FAM178B: variants seen among roughly 807,000 people sequenced by gnomAD.
FAM178B encodes family with sequence similarity 178 member B, also known as protein FAM178B.
Under a neutral mutation model 91.7 loss-of-function variants are expected in FAM178B, and 82 were observed. The observed-to-expected ratio is 0.89, with a 90% CI of 0.75 to 1.07. The LOEUF is 1.07. Ranked by LOEUF, FAM178B falls within the 50% of genes least tolerant of loss-of-function variation. The pLI is 0.00. For missense variants in FAM178B, 769 were observed against 846.7 expected, an observed-to-expected ratio of 0.91 and a Z score of 1.14; for synonymous variants, 368 against 359.4, an observed-to-expected ratio of 1.02 and a Z score of -0.27.
intron 8 of FAM178B, among the ~76,000 whole-genome samples, chr2:96,945,403 T>C (rs1233503299): frequency 1.3e-5 from 2 of 151,948 alleles, no homozygotes; most frequent in Non-Finnish European, 2.9e-5. Context: ...CAGGTTGGGA[T>C]AAAGGCAAGT....
In FAM178B at chr2:96,929,308, T is replaced by C; in HGVS notation, c.1091A>G (p.His364Arg). 6.4e-7 allele frequency: 1 copy of C among 1,551,152 alleles called. No individual in the cohort carries two copies. Among genetic ancestry groups the C allele is most frequent in the Non-Finnish European group, 8.7e-7 (1 of 1,146,606 alleles). Reference sequence around the variant, plus strand: ...TTCTTGCAGTGAGGGGCACCACAGGTGCTTGTCTTCATCTGTCAGGCCAAA... The same window carrying C: ...TTCTTGCAGTGAGGGGCACCACAGGCGCTTGTCTTCATCTGTCAGGCCAAA... ...GIFLQPDEDK[H>R]LWCPSLQEVR... Residue 364 changes from histidine to arginine, a missense_variant, in exon 9 of 17, where the codon CAC becomes CGC. Physicochemically the swap from His to Arg is conservative, Grantham distance 29. Coordinates refer to ENST00000490605, the MANE Select transcript of FAM178B (RefSeq NM_001122646.3).
chr2:96,917,600 G>C (rs977348136), intron 12 of FAM178B, among the ~76,000 whole-genome samples: 3 of 152,326 alleles, frequency 2.0e-5, no homozygotes, highest in African/African-American at 7.2e-5. Context: ...TCACACCCGT[G>C]ATCCCAGCAG....
At chr2:96,931,062 A>C (rs1256829876) in intron 8 of FAM178B, among the ~76,000 whole-genome samples, 1 of 152,236 alleles carries the variant, frequency 6.6e-6, no homozygotes, top group African/African-American at 2.4e-5. Flanking sequence ...TCTCAAATGG[A>C]CCAAAACAGG....
chr2:96,915,112 A>ATTT (rs570515612), intron 12 of FAM178B, among the ~76,000 whole-genome samples: 3 of 143,048 alleles, frequency 2.1e-5, no homozygotes, highest in Non-Finnish European at 4.6e-5. Context: ...CTATAACCAA[A>ATTT]TTTTTTTTTT....
intron 7 of FAM178B, among the ~76,000 whole-genome samples, chr2:96,950,926 G>C (rs1205908348): frequency 6.6e-6 from 1 of 152,182 alleles, no homozygotes; most frequent in Non-Finnish European, 1.5e-5. Flanking sequence ...CGTGGGCCCT[G>C]AACGGCCCTC....
chr2:96,886,438 A>G (rs2080523282), intron 14 of FAM178B, among the ~76,000 whole-genome samples: 2 of 152,202 alleles, frequency 1.3e-5, no homozygotes, highest in Admixed American at 1.3e-4. Context: ...GTGTTAGGTT[A>G]GAAGCTGAGT....
At chr2:96,957,023 AT>A (rs11345160) in intron 6 of FAM178B, among the ~76,000 whole-genome samples, 113,312 of 150,164 alleles carry the variant, frequency 0.75, 43,714 homozygotes, top group Middle Eastern at 0.83. Context: ...CCCATGGCTC[AT>A]TTTTTTTTTG....
chr2:96,984,604 A>G (rs953206601), intron 1 of FAM178B, among the ~76,000 whole-genome samples: 3 of 152,192 alleles, frequency 2.0e-5, no homozygotes, highest in Admixed American at 2.0e-4. Flanking sequence ...AGCTGCTGCA[A>G]AATGCCTTTC....
At chr2:96,982,993 C>T (rs2082382302) in intron 1 of FAM178B, among the ~76,000 whole-genome samples, 1 of 151,966 alleles carries the variant, frequency 6.6e-6, no homozygotes, top group Admixed American at 6.6e-5. Context: ...ATCCGCCTGC[C>T]TCAGCCTCCC....
chr2:96,884,156 A>G (rs1311531419), intron 14 of FAM178B, among the ~76,000 whole-genome samples: 4 of 152,004 alleles, frequency 2.6e-5, no homozygotes, highest in Admixed American at 2.0e-4. Context: ...AGTAGCGCAC[A>G]CAGAGAGGGC....
intron 6 of FAM178B, among the ~76,000 whole-genome samples, chr2:96,956,102 GACTA>G (rs2081996316): frequency 6.6e-6 from 1 of 152,230 alleles, no homozygotes; most frequent in South Asian, 2.1e-4. Flanking sequence ...AGGGGCCTAT[GACTA>G]ACTGAGCAGG....
At chr2:96,959,855 G>A (rs1559097781) in intron 6 of FAM178B, among the ~76,000 whole-genome samples, 1 of 152,164 alleles carries the variant, frequency 6.6e-6, no homozygotes. Flanking sequence ...CTGCAGCTGG[G>A]GACACGCTTT....
At chr2:96,949,895 C>T (rs537298268) in intron 7 of FAM178B, 18 of 815,810 alleles carry the variant, frequency 2.2e-5, no homozygotes, top group Non-Finnish European at 2.7e-5. Flanking sequence ...GGCCTGGCTC[C>T]GAGGCACAGA....
intron 12 of FAM178B, among the ~76,000 whole-genome samples, chr2:96,916,487 G>A (rs1332413308): frequency 2.6e-5 from 4 of 152,242 alleles, no homozygotes; most frequent in African/African-American, 9.6e-5. Context: ...CGCAGGCAGT[G>A]AAGGAAGAGG....
At chr2:96,878,699 G>T (rs1222725268) in intron 14 of FAM178B, among the ~76,000 whole-genome samples, 1 of 152,172 alleles carries the variant, frequency 6.6e-6, no homozygotes, top group Non-Finnish European at 1.5e-5. Flanking sequence ...ACTTGGAGCT[G>T]TGACTCCCTA....
At chr2:96,901,176 CTTTTTTTTT>C (rs1195230304) in intron 13 of FAM178B, among the ~76,000 whole-genome samples, 1 of 132,470 alleles carries the variant, frequency 7.5e-6, no homozygotes, top group Non-Finnish European at 1.6e-5. Context: ...ATTCTTTTTT[CTTTTTTTTT>C]TTTTTTTTTT....
At chr2:96,899,310 C>T (rs981714687) in intron 13 of FAM178B, among the ~76,000 whole-genome samples, 4 of 152,218 alleles carry the variant, frequency 2.6e-5, no homozygotes, top group Non-Finnish European at 2.9e-5. Context: ...TCACTATGGC[C>T]GTGGCCGACT....
At chr2:96,887,225 A>AACG (rs2080547819) in intron 14 of FAM178B, among the ~76,000 whole-genome samples, 1 of 151,942 alleles carries the variant, frequency 6.6e-6, no homozygotes, top group Admixed American at 6.6e-5. Flanking sequence ...AAACAACAAC[A>AACG]ACAACAACAA....
chr2:96,978,046 C>A, intron 1 of FAM178B: 1 of 390,020 alleles, frequency 2.6e-6, no homozygotes, highest in Non-Finnish European at 5.1e-6. Flanking sequence ...AACTTCTCAA[C>A]TATTCCTCTT....
Sources: allele counts gnomAD v4.1 joint callset (sites outside exome capture counted in the v4.1 genomes callset), GRCh38; gene constraint gnomAD v4.1.1; transcripts MANE v1.5; gene names NCBI Gene and HGNC (gene_info 2026-07-23, HGNC 2026-07-21).